AFF3: variants seen among roughly 807,000 people sequenced by gnomAD.
The protein encoded by AFF3 is AF4/FMR2 family member 3.
A neutral mutation model predicts 129.7 loss-of-function variants in AFF3; 32 were observed. That is an observed-to-expected ratio of 0.25 (90% CI 0.19 to 0.33). The LOEUF is 0.33. AFF3 is among the 10% of genes least tolerant of loss of function. AFF3 has a pLI of 1.00. For synonymous variants in AFF3, 644 were observed against 635.4 expected, an observed-to-expected ratio of 1.01 and a Z score of -0.20; for missense variants, 1,373 against 1,592.0, an observed-to-expected ratio of 0.86 and a Z score of 2.34.
At chr2:99,951,783 T>C (rs974800609) in intron 7 of AFF3, among the ~76,000 whole-genome samples, 3 of 152,152 alleles carry the variant, frequency 2.0e-5, no homozygotes, top group African/African-American at 7.2e-5. Flanking sequence ...GTAGCTGGGA[T>C]TACAGGTGTG....
intron 8 of AFF3, among the ~76,000 whole-genome samples, chr2:99,753,211 T>C (rs572267183): frequency 1.3e-5 from 2 of 152,262 alleles, no homozygotes; most frequent in East Asian, 3.9e-4. Context: ...GTGATTCTCC[T>C]GCCTCAGCCT....
intron 7 of AFF3, among the ~76,000 whole-genome samples, chr2:99,999,740 T>C (rs1244384080): frequency 6.6e-6 from 1 of 152,244 alleles, no homozygotes; most frequent in Non-Finnish European, 1.5e-5. Context: ...ATAAAAATGC[T>C]ATCAGGAGGT....
At chr2:99,814,317 A>T (rs1687041917) in intron 8 of AFF3, among the ~76,000 whole-genome samples, 1 of 152,126 alleles carries the variant, frequency 6.6e-6, no homozygotes, top group South Asian at 2.1e-4. Flanking sequence ...AGCCTGAAAA[A>T]GCCCACAGGG....
intron 4 of AFF3, among the ~76,000 whole-genome samples, chr2:100,049,001 C>G (rs1333537677): frequency 6.6e-6 from 1 of 152,148 alleles, no homozygotes; most frequent in South Asian, 2.1e-4. Flanking sequence ...TTCCAAAGCA[C>G]AACTGCCTTT....
intron 7 of AFF3, among the ~76,000 whole-genome samples, chr2:99,864,390 A>T (rs1691222598): frequency 6.6e-6 from 1 of 152,134 alleles, no homozygotes. Context: ...TGAACCAACA[A>T]TGTCTCCAAT....
At chr2:99,607,262 G>T (rs189852022) in intron 13 of AFF3, among the ~76,000 whole-genome samples, 4 of 152,310 alleles carry the variant, frequency 2.6e-5, no homozygotes, top group Admixed American at 6.5e-5. Context: ...GCTGGGTGCA[G>T]TGGCTCACGC....
chr2:99,560,603 T>C (rs1675379856), intron 20 of AFF3, among the ~76,000 whole-genome samples, 167 bp from the exon 21 acceptor site: 1 of 152,256 alleles, frequency 6.6e-6, no homozygotes. Context: ...TAGCTGGTGC[T>C]GCTCCATTTT....
At chr2:99,850,082 AG>A (rs1187552939) in intron 7 of AFF3, among the ~76,000 whole-genome samples, 1 of 152,226 alleles carries the variant, frequency 6.6e-6, no homozygotes, top group African/African-American at 2.4e-5. Flanking sequence ...AAGTTAGACC[AG>A]GGTAAGGGTA....
rs867161981 is a variant in AFF3 at position 99,551,152 on chromosome 2, C to T, written c.*322G>A. On this transcript the variant is annotated 3_prime_UTR_variant, in exon 25 of 25. Transcript: ENST00000672756. Reference sequence around the variant, plus strand: ...GTGTCTGTGATTGTGTGTGAGTGTACGGTGTGTGTGTGTGTGTGTGTGTGT... The same window carrying T: ...GTGTCTGTGATTGTGTGTGAGTGTATGGTGTGTGTGTGTGTGTGTGTGTGT... 5.2e-5 allele frequency: 21 copies of T among 405,356 alleles called. No individual in the cohort carries two copies. Among genetic ancestry groups the T allele is most frequent in the Middle Eastern group, 1.2e-3 (2 of 1,624 alleles). The allele number at this position is 405,356 out of a possible 1,614,324, so 25.1% of individuals were successfully genotyped here. A position where few individuals can be genotyped will look rare whatever the true frequency, so the allele number is the denominator to read the frequency against.
At chr2:99,814,652 C>G (rs1282922389) in intron 8 of AFF3, among the ~76,000 whole-genome samples, 3 of 152,126 alleles carry the variant, frequency 2.0e-5, no homozygotes, top group Non-Finnish European at 1.5e-5. Flanking sequence ...TTTTATCACA[C>G]TAGCTCCGGC....
chr2:100,004,037 T>A (rs922731931), intron 7 of AFF3, among the ~76,000 whole-genome samples: 3 of 152,188 alleles, frequency 2.0e-5, no homozygotes, highest in African/African-American at 7.2e-5. Context: ...CTGATTTTCT[T>A]ATGAGGAATG....
rs1376507009 is a variant in AFF3, at chr2:99,740,180, T to C, written c.1039+3924A>G. On this transcript the variant is annotated intron_variant, in intron 10 of 24. Transcript: ENST00000672756. ...TGGCTGCATAGTATTCCATGGTGTATATGTGCCACATTTTCTTAATCCAGT... is the reference window on the plus strand; with the variant it reads ...TGGCTGCATAGTATTCCATGGTGTACATGTGCCACATTTTCTTAATCCAGT... Among the ~76,000 whole-genome samples the C allele has an allele frequency of 2.0e-3, 297 of 151,176 alleles. 4 individuals carry two copies. The highest frequency in any genetic ancestry group is 6.8e-3 in the Middle Eastern group (2 of 292).
At chr2:100,105,843 G>A (rs534959386) in intron 2 of AFF3, 39 of 1,340,472 alleles carry the variant, frequency 2.9e-5, no homozygotes, top group Non-Finnish European at 3.2e-5. Context: ...GCAGCTCAGA[G>A]CCCTGCAGTT....
chr2:99,669,777 C>T (rs1045703841), intron 12 of AFF3, among the ~76,000 whole-genome samples: 51 of 152,130 alleles, frequency 3.4e-4, no homozygotes, highest in African/African-American at 1.1e-3. Context: ...TGAGACCACT[C>T]TGGCCAACAT....
At chr2:99,823,764 C>T (rs72819107) in intron 8 of AFF3, among the ~76,000 whole-genome samples, 12,666 of 152,286 alleles carry the variant, frequency 0.083, 586 homozygotes, top group Non-Finnish European at 0.1. Context: ...TGGAATACTA[C>T]GCAGCCACAC....
intron 6 of AFF3, 40 bp from the exon 7 acceptor site, chr2:100,007,057 G>C: frequency 6.3e-7 from 1 of 1,590,598 alleles, no homozygotes; most frequent in Admixed American, 1.8e-5. Flanking sequence ...AAGGATGAGG[G>C]GGGTCGACAC....
chr2:99,787,041 A>G (rs1023274016), intron 8 of AFF3, among the ~76,000 whole-genome samples: 2 of 152,178 alleles, frequency 1.3e-5, no homozygotes, highest in African/African-American at 4.8e-5. Flanking sequence ...GATGGATTTA[A>G]TAGTATTAAA....
chr2:99,855,238 T>C (rs1434420920), intron 7 of AFF3, among the ~76,000 whole-genome samples: 1 of 152,138 alleles, frequency 6.6e-6, no homozygotes, highest in Non-Finnish European at 1.5e-5. Flanking sequence ...TGAAAATTGG[T>C]TGTGGTGATG....
intron 4 of AFF3, among the ~76,000 whole-genome samples, chr2:100,100,143 A>C (rs1281552926): frequency 2.0e-5 from 2 of 102,116 alleles, no homozygotes; most frequent in South Asian, 8.3e-4. Flanking sequence ...TCTGGCTTAT[A>C]TGAAGCTGTG....
Sources: allele counts gnomAD v4.1 joint callset (sites outside exome capture counted in the v4.1 genomes callset), GRCh38; gene constraint gnomAD v4.1.1; transcripts MANE v1.5; gene names NCBI Gene and HGNC (gene_info 2026-07-23, HGNC 2026-07-21).